The following ARHGAP20 variants were observed in gnomAD, a reference collection of about 807,000 sequenced individuals.
ARHGAP20 encodes the protein Rho GTPase activating protein 20.
In ARHGAP20, 34 loss-of-function variants were observed where a neutral mutation model predicts 73.7. The observed-to-expected ratio is 0.46, with a 90% CI of 0.35 to 0.61. The LOEUF is 0.61. Among genes scored for constraint, ARHGAP20 ranks in the 20% least tolerant of loss-of-function variants. The probability of loss-of-function intolerance (pLI) is 0.00; values close to 1 mark genes in which losing one functional copy is unlikely to be tolerated. For missense variants in ARHGAP20, 1,314 were observed against 1,420.9 expected, an observed-to-expected ratio of 0.92 and a Z score of 1.21; for synonymous variants, 523 against 518.2, an observed-to-expected ratio of 1.01 and a Z score of -0.13.
intron 1 of ARHGAP20, among the ~76,000 whole-genome samples, chr11:110,692,819 G>A (rs1361163396): frequency 2.0e-5 from 3 of 151,908 alleles, no homozygotes; most frequent in African/African-American, 4.8e-5. Flanking sequence ...GGAAGATGAG[G>A]CAAAAAGAAA....
At chr11:110,699,286 G>C (rs1950397613) in intron 1 of ARHGAP20, among the ~76,000 whole-genome samples, 1 of 151,752 alleles carries the variant, frequency 6.6e-6, no homozygotes, top group Non-Finnish European at 1.5e-5. Flanking sequence ...ATATGATTTT[G>C]ATTTTTTGGA....
intron 11 of ARHGAP20, among the ~76,000 whole-genome samples, chr11:110,587,379 C>G (rs1257537403): frequency 6.6e-6 from 1 of 152,216 alleles, no homozygotes; most frequent in African/African-American, 2.4e-5. Flanking sequence ...AGGTGAAAGT[C>G]TGCAATTGGG....
intron 2 of ARHGAP20, among the ~76,000 whole-genome samples, chr11:110,683,052 T>C (rs1950066566): frequency 6.6e-6 from 1 of 152,042 alleles, no homozygotes; most frequent in Non-Finnish European, 1.5e-5. Context: ...TAAATTAACT[T>C]GGAGGTGGAG....
At position 110,586,285 on chromosome 11, in the gene ARHGAP20, T is replaced by G. The variant is rs764850546; in HGVS notation, c.1346A>C (p.Asp449Ala). Residue 449 changes from aspartate (D) to alanine (A), a missense_variant, in exon 12 of 15, where the codon GAT (aspartate) becomes GCT (alanine). By Grantham distance (126) the Asp-to-Ala change is moderately radical. Around this residue, in one of 3 missense-constraint regions of ARHGAP20, gnomAD observed 230 missense variants for 317.6 expected, o/e 0.72. Coordinates refer to ENST00000683387, the MANE Select transcript of ARHGAP20 (RefSeq NM_001384657.1). ...TACAGAGACCCAGTGATCATAGAGA[T>G]CTGATGAAAAAATACTTCCTGGAAT... The part of the protein sequence containing the change: ...RNIPGSIFSS[D>A]LYDHWVSVMD... 1.3e-6 allele frequency: 2 copies of G among 1,576,388 alleles called. No individual in the cohort carries two copies. The highest frequency in any genetic ancestry group is 1.2e-5 in the South Asian group (1 of 83,416).
chr11:110,639,144 A>AT (rs1408654591), intron 2 of ARHGAP20, among the ~76,000 whole-genome samples: 3 of 151,712 alleles, frequency 2.0e-5, no homozygotes, highest in Non-Finnish European at 2.9e-5. Context: ...AATAAGTCTG[A>AT]TTTTTTCTCT....
At position 110,577,992 on chromosome 11, in the gene ARHGAP20, A is replaced by G. The variant is rs1947333692; in HGVS notation, c.*1378T>C. On this transcript the variant is annotated 3_prime_UTR_variant, in exon 15 of 15. Transcript: ENST00000683387. ...TGATGGTGAACTAAAGAGTTTAAATAAATGGGCTCAGAGCAACTTCTTATA... is the reference window on the plus strand; with the variant it reads ...TGATGGTGAACTAAAGAGTTTAAATGAATGGGCTCAGAGCAACTTCTTATA... 1 of 985,380 alleles carries G rather than the reference A, an allele frequency of 1.0e-6. No homozygotes were observed. The highest frequency in any genetic ancestry group is 1.7e-5 in the African/African-American group (1 of 57,254). 61.0% of individuals were successfully genotyped at this position (985,380 alleles called of 1,614,324 possible).
intron 12 of ARHGAP20, among the ~76,000 whole-genome samples, chr11:110,585,073 A>ATG (rs1565422009): frequency 1.1e-4 from 16 of 150,350 alleles, no homozygotes; most frequent in Non-Finnish European, 1.6e-4. Context: ...GTGAACATAT[A>ATG]TGAATACATG....
chr11:110,650,442 TTTTC>T (rs1335937676), intron 2 of ARHGAP20, among the ~76,000 whole-genome samples: 6 of 152,138 alleles, frequency 3.9e-5, no homozygotes, highest in African/African-American at 1.4e-4. Context: ...AAAGGGAGGT[TTTTC>T]TTTCTTTTGG....
chr11:110,628,662 A>G (rs899486102), intron 3 of ARHGAP20, among the ~76,000 whole-genome samples: 10 of 152,206 alleles, frequency 6.6e-5, no homozygotes, highest in African/African-American at 2.4e-4. Context: ...AATCTTTCAT[A>G]ATTTGAACCT....
At chr11:110,684,378 A>G (rs1950092642) in intron 2 of ARHGAP20, among the ~76,000 whole-genome samples, 2 of 152,156 alleles carry the variant, frequency 1.3e-5, no homozygotes, top group South Asian at 4.1e-4. Flanking sequence ...AGCTGGGTAT[A>G]TTAAAACAAT....
intron 9 of ARHGAP20, among the ~76,000 whole-genome samples, chr11:110,596,859 C>T (rs1392404270): frequency 6.6e-6 from 1 of 152,084 alleles, no homozygotes; most frequent in Non-Finnish European, 1.5e-5. Flanking sequence ...TATTGCGGCA[C>T]TATTCACAAT....
At chr11:110,701,861 T>C (rs1260364782) in intron 1 of ARHGAP20, among the ~76,000 whole-genome samples, 1 of 152,100 alleles carries the variant, frequency 6.6e-6, no homozygotes, top group Non-Finnish European at 1.5e-5. Flanking sequence ...ATTGCTTGTT[T>C]TTCTCAGGTT....
intron 1 of ARHGAP20, among the ~76,000 whole-genome samples, chr11:110,694,683 G>A (rs1025014045): frequency 6.6e-6 from 1 of 151,508 alleles, no homozygotes; most frequent in South Asian, 2.1e-4. Flanking sequence ...TTATACTTAT[G>A]TTTCTGACCC....
At chr11:110,588,136 A>G (rs1947720221) in intron 11 of ARHGAP20, among the ~76,000 whole-genome samples, 1 of 152,222 alleles carries the variant, frequency 6.6e-6, no homozygotes, top group Non-Finnish European at 1.5e-5. Flanking sequence ...ACTCTCCCAC[A>G]GCTGGAATAA....
rs1425968777 is a variant in ARHGAP20 at position 110,687,061 on chromosome 11, C to G, written c.188+3486G>C. On this transcript the variant is annotated intron_variant, in intron 2 of 14. Coordinates refer to ENST00000683387, the MANE Select transcript of ARHGAP20 (RefSeq NM_001384657.1). The stretch of plus-strand genomic sequence containing the variant: ...ATATATATATATATATATATAGACA[C>G]ACACACACACACACACATATATATA... 5.0e-4 allele frequency among the ~76,000 whole-genome samples: 51 copies of G among 101,472 alleles called. 1 individual carries two copies. Among genetic ancestry groups the G allele is most frequent in the African/African-American group, 1.8e-3 (38 of 21,476 alleles). 66.6% of individuals were successfully genotyped at this position (101,472 alleles called of 152,430 possible).
intron 9 of ARHGAP20, among the ~76,000 whole-genome samples, chr11:110,602,111 G>C (rs1376137875): frequency 6.6e-6 from 1 of 152,158 alleles, no homozygotes; most frequent in Non-Finnish European, 1.5e-5. Flanking sequence ...GACAGAGATG[G>C]TATGTGGTGC....
In ARHGAP20 at chr11:110,580,688, C is replaced by G. The variant is rs1250095371; in HGVS notation, c.2258G>C (p.Gly753Ala). 5.0e-6 allele frequency: 8 copies of G among 1,613,794 alleles called. No homozygotes were observed. The highest frequency in any genetic ancestry group is 1.3e-5 in the African/African-American group (1 of 74,896). The change falls in exon 15 of 15, where the codon GGA (glycine) becomes GCA (alanine). Residue 753 changes from glycine to alanine, a missense_variant. Transcript: ENST00000683387. ...LKQNQPLQEE[G>A]KTCFKQSLVT... is the part of the protein sequence containing the mutation. ...TAAACTCTGTTTAAAACATGTCTTT[C>G]CTTCCTCCTGGAGGGGTTGATTCTG...
intron 2 of ARHGAP20, among the ~76,000 whole-genome samples, chr11:110,639,310 C>T (rs1212319225): frequency 1.3e-5 from 2 of 150,822 alleles, no homozygotes; most frequent in East Asian, 2.0e-4. Flanking sequence ...CTCTCTGTTA[C>T]TTCTTTACTC....
At chr11:110,712,082 G>C (rs769530627) in intron 1 of ARHGAP20, 45 bp downstream of exon 1, 4 of 1,261,982 alleles carry the variant, frequency 3.2e-6, no homozygotes, top group African/African-American at 3.1e-5. Flanking sequence ...CCGGCAGTGG[G>C]GGCTGCGGCG....
Sources: allele counts gnomAD v4.1 joint callset (sites outside exome capture counted in the v4.1 genomes callset), GRCh38; gene constraint gnomAD v4.1.1; regional missense constraint gnomAD v4.1.1; transcripts MANE v1.5; gene names NCBI Gene and HGNC (gene_info 2026-07-23, HGNC 2026-07-21).